NCKAP1: variants seen among roughly 807,000 people sequenced by gnomAD.
NCKAP1 encodes the protein NCK associated protein 1, also known as nck-associated protein 1.
A neutral mutation model predicts 151.2 loss-of-function variants in NCKAP1; 21 were observed. The ratio of observed to expected loss-of-function variants is 0.14; its 90% CI spans 0.10 to 0.20. NCKAP1 has a LOEUF of 0.20. NCKAP1 is among the 10% of genes least tolerant of loss of function. The pLI, the probability that NCKAP1 is intolerant of heterozygous loss-of-function variation, is 1.00. For synonymous variants in NCKAP1, 484 were observed against 451.8 expected (o/e 1.07, Z -0.90); for missense variants, 933 against 1,352.1 (o/e 0.69, Z 4.86).
chr2:182,967,224 G>A lies in NCKAP1; in HGVS notation c.1620C>T (p.Ser540=). 6.2e-7 allele frequency: 1 copy of A among 1,603,072 alleles called. No homozygotes were observed. The highest frequency in any genetic ancestry group is 2.2e-5 in the East Asian group (1 of 44,730). ...AGAAAATTACAACATACCAAAATATGGAGAGATCTGATGTTTCCACCAACA... is the reference window on the plus strand; with the variant it reads ...AGAAAATTACAACATACCAAAATATAGAGAGATCTGATGTTTCCACCAACA... The part of the protein sequence containing the change: ...VEMLVETSDL[S]IFCFYSRAFE... The change falls in exon 16 of 31, where the codon TCC becomes TCT. Residue 540 remains serine, a synonymous_variant. Coordinates refer to ENST00000361354, the MANE Select transcript of NCKAP1 (RefSeq NM_013436.5).
At position 182,979,018 on chromosome 2, in the gene NCKAP1, T is replaced by C. The variant is rs1392024633; in HGVS notation, c.1342-103A>G. 5 of 537,668 alleles carry C rather than the reference T, an allele frequency of 9.3e-6. No homozygotes were observed. The East Asian group carries it at 1.3e-4, about 14-fold the overall frequency. 33.3% of individuals were successfully genotyped at this position (537,668 alleles called of 1,614,324 possible). On this transcript the variant is annotated intron_variant, in intron 13 of 30. Transcript: ENST00000361354. The stretch of plus-strand genomic sequence containing the variant: ...TAAACAAACTGGTATACCCATACTA[T>C]GGAATATTTTTCAGTAATAAAAAAG...
rs1003186605 is a variant in NCKAP1 at position 182,924,297 on chromosome 2, C to T, written c.*1405G>A. On this transcript the variant is annotated 3_prime_UTR_variant, in exon 31 of 31. Transcript: ENST00000361354. ...GTTTGAAGAAAGAAAAACATTATAA[C>T]TGAGTTCACAGCAGCCTTCTTTTAT... is the stretch of plus-strand genomic sequence containing the variant. 1 of 152,160 alleles carries T rather than the reference C, an allele frequency of 6.6e-6. No individual in the cohort carries two copies. The highest frequency in any genetic ancestry group is 2.4e-5 in the African/African-American group (1 of 41,434). The allele number at this position is 152,160 out of a possible 1,614,324, so 9.4% of individuals were successfully genotyped here.
chr2:183,011,982 AG>A (rs1488036520), intron 2 of NCKAP1, among the ~76,000 whole-genome samples: 12 of 152,194 alleles, frequency 7.9e-5, no homozygotes, highest in Non-Finnish European at 1.6e-4. Flanking sequence ...TTGTCTAGTG[AG>A]GGATGTGTAT....
At chr2:182,963,401 T>C (rs1004185550) in intron 17 of NCKAP1, among the ~76,000 whole-genome samples, 5 of 152,142 alleles carry the variant, frequency 3.3e-5, no homozygotes, top group Admixed American at 3.3e-4. Flanking sequence ...ACAAATCTGA[T>C]TTCACTACTC....
At chr2:182,946,574 ACC>A (rs1697111132) in intron 23 of NCKAP1, among the ~76,000 whole-genome samples, 1 of 151,718 alleles carries the variant, frequency 6.6e-6, no homozygotes, top group Non-Finnish European at 1.5e-5. Flanking sequence ...CTGCACATGC[ACC>A]CCTGAACGTA....
At chr2:182,960,321 A>G (rs1266792618) in intron 18 of NCKAP1, among the ~76,000 whole-genome samples, 1 of 152,212 alleles carries the variant, frequency 6.6e-6, no homozygotes, top group Non-Finnish European at 1.5e-5. Flanking sequence ...ACGCTACCTG[A>G]CTTCAAACTA....
At chr2:182,973,792 C>T (rs1007888921) in intron 15 of NCKAP1, among the ~76,000 whole-genome samples, 3 of 152,138 alleles carry the variant, frequency 2.0e-5, no homozygotes, top group Non-Finnish European at 4.4e-5. Context: ...ATCCTTTATA[C>T]TCAAAAGTCT....
At chr2:182,930,871 G>C in intron 26 of NCKAP1, 83 bp from the exon 27 acceptor site, 1 of 1,188,048 alleles carries the variant, frequency 8.4e-7, no homozygotes, top group East Asian at 2.5e-5. Flanking sequence ...AGTCTGCCTA[G>C]AAGAACACCA....
chr2:182,992,768 G>C (rs1032474383), intron 8 of NCKAP1, among the ~76,000 whole-genome samples: 1 of 152,008 alleles, frequency 6.6e-6, no homozygotes, highest in Non-Finnish European at 1.5e-5. Context: ...ACTACTCAAA[G>C]TATCAGTCCA....
intron 1 of NCKAP1, among the ~76,000 whole-genome samples, chr2:183,032,884 C>CAA: frequency 6.6e-6 from 1 of 151,712 alleles, no homozygotes; most frequent in Middle Eastern, 3.4e-3. Context: ...CCAACTCTAT[C>CAA]AAAAAAAATA....
chr2:182,985,151 T>C (rs1030246659), intron 10 of NCKAP1, among the ~76,000 whole-genome samples: 4 of 152,198 alleles, frequency 2.6e-5, no homozygotes, highest in Non-Finnish European at 4.4e-5. Flanking sequence ...ATAGCACAGA[T>C]ACGATGAGTA....
rs1696605492 is a variant in NCKAP1 at position 182,924,672 on chromosome 2, A to G, written c.*1030T>C. 6.6e-6 allele frequency: 1 copy of G among 152,176 alleles called. No homozygotes were observed. The highest frequency in any genetic ancestry group is 6.5e-5 in the Admixed American group (1 of 15,276). The allele number at this position is 152,176 out of a possible 1,614,324, so 9.4% of individuals were successfully genotyped here. The stretch of plus-strand genomic sequence containing the variant: ...GTTTTCTTTAAGTTCTTAATTTTTA[A>G]GAAGTATTGTGTAATTTTATTTTCT... On this transcript the variant is annotated 3_prime_UTR_variant, in exon 31 of 31. Coordinates refer to ENST00000361354, the MANE Select transcript of NCKAP1 (RefSeq NM_013436.5).
chr2:183,007,527 G>A (rs1698499400), intron 2 of NCKAP1, among the ~76,000 whole-genome samples: 8 of 152,096 alleles, frequency 5.3e-5, no homozygotes, highest in Admixed American at 4.6e-4. Context: ...CAGTGCCTAC[G>A]AGCTAAACCA....
Position 182,917,791 on chromosome 2 carries a change from TCA to T in NCKAP1, c.*7909_*7910del, listed in dbSNP as rs1696491224. Reference sequence around the variant, plus strand: ...AAACTAAAACAAATATTTTTAACATTCACAAATATGTGACATATTATCTACTA... The same window carrying T: ...AAACTAAAACAAATATTTTTAACATTCAAATATGTGACATATTATCTACTA... On this transcript the variant is annotated 3_prime_UTR_variant, in exon 31 of 31. Coordinates refer to ENST00000361354, the MANE Select transcript of NCKAP1 (RefSeq NM_013436.5). 1 of 152,164 alleles carries T rather than the reference TCA, an allele frequency of 6.6e-6. No individual in the cohort carries two copies. Among genetic ancestry groups the T allele is most frequent in the Admixed American group, 6.5e-5 (1 of 15,278 alleles). 9.4% of individuals were successfully genotyped at this position (152,164 alleles called of 1,614,324 possible).
At chr2:182,977,907 G>C (rs1031502413) in intron 14 of NCKAP1, among the ~76,000 whole-genome samples, 1 of 152,108 alleles carries the variant, frequency 6.6e-6, no homozygotes, top group African/African-American at 2.4e-5. Flanking sequence ...AAAGAGTGAA[G>C]ACAGTGAAAC....
At chr2:182,925,903 TTTA>T in intron 30 of NCKAP1, 85 bp from the exon 31 acceptor site, 1 of 621,336 alleles carries the variant, frequency 1.6e-6, no homozygotes, top group Admixed American at 3.6e-5. Flanking sequence ...AATGGGAACA[TTTA>T]TTGACAACCA....
chr2:182,929,141 TAAAAC>T (rs1696708602), intron 27 of NCKAP1, among the ~76,000 whole-genome samples: 1 of 151,990 alleles, frequency 6.6e-6, no homozygotes, highest in African/African-American at 2.4e-5. Flanking sequence ...GGACGTCTGA[TAAAAC>T]AGTAAGGTAA....
At position 182,923,915 on chromosome 2, in the gene NCKAP1, A is replaced by G. The variant is rs1175938557; in HGVS notation, c.*1787T>C. 3 of 152,164 alleles carry G rather than the reference A, an allele frequency of 2.0e-5. No individual in the cohort carries two copies. Among genetic ancestry groups the G allele is most frequent in the Non-Finnish European group, 4.4e-5 (3 of 68,030 alleles). 9.4% of individuals were successfully genotyped at this position (152,164 alleles called of 1,614,324 possible). On this transcript the variant is annotated 3_prime_UTR_variant, in exon 31 of 31. Transcript: ENST00000361354. Reference sequence around the variant, plus strand: ...TTTTCTCAGCCTAGCAGTGGTAGAGAATGCCTTATTTTCATCCTTATGCCC... The same window carrying G: ...TTTTCTCAGCCTAGCAGTGGTAGAGGATGCCTTATTTTCATCCTTATGCCC...
chr2:183,005,774 C>A (rs1698459875), intron 2 of NCKAP1, among the ~76,000 whole-genome samples: 2 of 152,150 alleles, frequency 1.3e-5, no homozygotes, highest in African/African-American at 4.8e-5. Flanking sequence ...GTAGCCAAAA[C>A]AATCTATTCA....
Sources: allele counts gnomAD v4.1 joint callset (sites outside exome capture counted in the v4.1 genomes callset), GRCh38; gene constraint gnomAD v4.1.1; transcripts MANE v1.5; gene names NCBI Gene and HGNC (gene_info 2026-07-23, HGNC 2026-07-21).